RFX3: variants seen among roughly 807,000 people sequenced by gnomAD.
RFX3 encodes the protein transcription factor RFX3.
In RFX3, 14 loss-of-function variants were observed where a neutral mutation model predicts 98.6. The observed-to-expected ratio is 0.14, with a 90% CI of 0.09 to 0.22. The LOEUF (loss-of-function observed/expected upper bound fraction) is 0.22, where lower values mean the gene tolerates loss of function less well. Among genes scored for constraint, RFX3 ranks in the 10% least tolerant of loss-of-function variants. RFX3 has a pLI of 1.00. For synonymous variants in RFX3, 383 were observed against 328.4 expected (o/e 1.17, Z -1.80); for missense variants, 639 against 926.9 (o/e 0.69, Z 4.03).
intron 12 of RFX3, 145 bp from the exon 13 acceptor site, chr9:3,263,229 G>A: frequency 1.2e-6 from 1 of 807,702 alleles, no homozygotes; most frequent in Non-Finnish European, 1.9e-6. Context: ...GAGTTTACTT[G>A]TAAATTACAG....
intron 1 of RFX3, among the ~76,000 whole-genome samples, chr9:3,426,012 C>CA (rs911444330): frequency 1.1e-4 from 16 of 151,778 alleles, no homozygotes; most frequent in Non-Finnish European, 2.1e-4. Context: ...TAAAACAAAC[C>CA]AAAAAAACCC....
intron 1 of RFX3, among the ~76,000 whole-genome samples, chr9:3,414,774 GTATATATGTATATATGAGTA>G (rs1842786615): frequency 7.5e-6 from 1 of 133,726 alleles, no homozygotes. Context: ...GTATATATGA[GTATATATGTATATATGAGTA>G]TATATGAGTA....
chr9:3,501,295 T>C (rs1399191008), intron 1 of RFX3, among the ~76,000 whole-genome samples: 2 of 152,126 alleles, frequency 1.3e-5, no homozygotes, highest in East Asian at 3.9e-4. Flanking sequence ...AATTTCATAA[T>C]TTTTATCAAG....
chr9:3,351,607 C>T (rs1244377789), intron 2 of RFX3, among the ~76,000 whole-genome samples: 4 of 151,858 alleles, frequency 2.6e-5, no homozygotes, highest in Admixed American at 2.6e-4. Context: ...TATATAAATA[C>T]TCCCTATGAA....
At chr9:3,446,275 C>A (rs1444382349) in intron 1 of RFX3, among the ~76,000 whole-genome samples, 1 of 151,992 alleles carries the variant, frequency 6.6e-6, no homozygotes, top group African/African-American at 2.4e-5. Flanking sequence ...TGTAACTATA[C>A]CGTATTAATT....
rs910721896 is a variant in RFX3 at position 3,408,846 on chromosome 9, G to A, written c.-8-13250C>T. Among the ~76,000 whole-genome samples, 50 of 152,004 alleles carry A rather than the reference G, an allele frequency of 3.3e-4. 1 individual carries two copies. Among genetic ancestry groups the A allele is most frequent in the Admixed American group, 3.1e-3 (48 of 15,248 alleles). ...CTTCCACTACTGCCTCTTTTTCCCC[G>A]TCCCTGGCAGAGATGGTGATCGGGT... On this transcript the variant is annotated intron_variant, in intron 1 of 16. Transcript: ENST00000617270.
At chr9:3,519,794 C>G (rs1391697433) in intron 1 of RFX3, among the ~76,000 whole-genome samples, 1 of 152,068 alleles carries the variant, frequency 6.6e-6, no homozygotes, top group South Asian at 2.1e-4. Context: ...CCATTTTTAA[C>G]TGATTTGTTT....
rs1284910122 is a variant in RFX3, at chr9:3,219,765, C to T, written c.*5277G>A. ...TTAAATTAAAACCCTTTGAGTATTG[C>T]ATGTTAACACATGAGTAATTTGCAT... On this transcript the variant is annotated 3_prime_UTR_variant, in exon 17 of 17. Coordinates refer to ENST00000617270, the MANE Select transcript of RFX3 (RefSeq NM_001282116.2). The T allele has an allele frequency of 6.6e-6, 1 of 152,164 alleles. No homozygotes were observed. The highest frequency in any genetic ancestry group is 2.4e-5 in the African/African-American group (1 of 41,450). 9.4% of individuals were successfully genotyped at this position (152,164 alleles called of 1,614,324 possible). A position where few individuals can be genotyped will look rare whatever the true frequency, so the allele number is the denominator to read the frequency against.
At chr9:3,240,609 T>C (rs1020217715) in intron 15 of RFX3, among the ~76,000 whole-genome samples, 17 of 152,210 alleles carry the variant, frequency 1.1e-4, no homozygotes, top group African/African-American at 3.9e-4. Flanking sequence ...ATAAGGCCCA[T>C]ATTCTTGCAG....
chr9:3,234,885 C>A (rs1019128310), intron 15 of RFX3, among the ~76,000 whole-genome samples: 6 of 152,128 alleles, frequency 3.9e-5, no homozygotes, highest in African/African-American at 1.4e-4. Flanking sequence ...GGATACAGAA[C>A]CAGAGCCTTC....
At chr9:3,410,161 C>CTGTGTGTGTGTG (rs555349379) in intron 1 of RFX3, among the ~76,000 whole-genome samples, 10,374 of 113,940 alleles carry the variant, frequency 0.091, 728 homozygotes, top group East Asian at 0.11. Context: ...GTGAGATAAA[C>CTGTGTGTGTGTG]TGTGTGTGTG....
At chr9:3,518,217 T>C (rs1481894319) in intron 1 of RFX3, among the ~76,000 whole-genome samples, 1 of 152,194 alleles carries the variant, frequency 6.6e-6, no homozygotes, top group Non-Finnish European at 1.5e-5. Context: ...TACGTAATTC[T>C]CAGAACATAT....
chr9:3,397,108 T>G (rs1020965933), intron 1 of RFX3, among the ~76,000 whole-genome samples: 2 of 152,252 alleles, frequency 1.3e-5, no homozygotes, highest in African/African-American at 2.4e-5. Flanking sequence ...GACATGTACT[T>G]TCTCTCATTC....
intron 1 of RFX3, among the ~76,000 whole-genome samples, chr9:3,467,435 A>G (rs1207608432): frequency 6.6e-6 from 1 of 151,456 alleles, no homozygotes; most frequent in East Asian, 1.9e-4. Context: ...TATATCATAC[A>G]TTAAGGCTTG....
chr9:3,512,437 A>T (rs1328118201), intron 1 of RFX3, among the ~76,000 whole-genome samples: 1 of 151,996 alleles, frequency 6.6e-6, no homozygotes, highest in African/African-American at 2.4e-5. Flanking sequence ...GTTTTTTACT[A>T]TATACTGACT....
intron 2 of RFX3, among the ~76,000 whole-genome samples, chr9:3,369,594 A>G (rs1837578737): frequency 2.0e-5 from 3 of 152,372 alleles, no homozygotes; most frequent in Admixed American, 6.5e-5. Flanking sequence ...TTGAAATGGT[A>G]GAAATTAAAA....
intron 3 of RFX3, 103 bp downstream of exon 3, chr9:3,346,564 C>A: frequency 1.3e-6 from 1 of 742,878 alleles, no homozygotes; most frequent in Non-Finnish European, 2.4e-6. Context: ...TAGAAAATTA[C>A]TTTGAAAACA....
chr9:3,270,593 A>G (rs1824292038), intron 10 of RFX3, 68 bp from the exon 11 acceptor site: 2 of 1,486,254 alleles, frequency 1.3e-6, no homozygotes, highest in East Asian at 4.5e-5. Context: ...GGACTTTAAA[A>G]ATAGTTTAAG....
chr9:3,402,185 C>A (rs1225191563), intron 1 of RFX3, among the ~76,000 whole-genome samples: 1 of 152,098 alleles, frequency 6.6e-6, no homozygotes, highest in Non-Finnish European at 1.5e-5. Context: ...GTAGTATCCA[C>A]CTAATTTTTA....
Sources: allele counts gnomAD v4.1 joint callset (sites outside exome capture counted in the v4.1 genomes callset), GRCh38; gene constraint gnomAD v4.1.1; transcripts MANE v1.5; gene names NCBI Gene and HGNC (gene_info 2026-07-23, HGNC 2026-07-21).